RPA1: variants seen among roughly 807,000 people sequenced by gnomAD.
The protein encoded by RPA1 is replication protein A1.
RPA1 carries 49 observed loss-of-function variants against 83.0 expected under a neutral mutation model. That is an observed-to-expected ratio of 0.59 (90% confidence interval 0.47 to 0.75). The LOEUF (loss-of-function observed/expected upper bound fraction) is 0.75. Ranked by LOEUF, RPA1 falls within the 30% of genes least tolerant of loss-of-function variation. The pLI, the probability that RPA1 is intolerant of heterozygous loss-of-function variation, is 0.00. For missense variants in RPA1, 693 were observed against 776.1 expected, an observed-to-expected ratio of 0.89 and a Z score of 1.27; for synonymous variants, 279 against 281.8, an observed-to-expected ratio of 0.99 and a Z score of 0.10.
chr17:1,872,121 C>T, intron 5 of RPA1: 1 of 346,532 alleles, frequency 2.9e-6, no homozygotes. Flanking sequence ...CAGATTCAAC[C>T]CAGTGACTTT....
In RPA1 at chr17:1,897,329, C is replaced by T. The variant is rs1346253001; in HGVS notation, c.*154C>T. 4.9e-6 allele frequency: 3 copies of T among 607,398 alleles called. No individual in the cohort carries two copies. The highest frequency in any genetic ancestry group is 5.8e-5 in the East Asian group (2 of 34,236). 37.6% of individuals were successfully genotyped at this position (607,398 alleles called of 1,614,324 possible). On this transcript the variant is annotated 3_prime_UTR_variant, in exon 17 of 17. Transcript: ENST00000254719. ...CCCCCCTCGTGCGCATCTCAGAACC[C>T]ATCGGTAGGCAAAGGAAAATACGCT...
chr17:1,879,672 G>T lies in RPA1; in HGVS notation c.1065G>T (p.Val355=). Reference sequence around the variant, plus strand: ...ACTTGATGGACACATCCGGGAAGGTGGTGACTGCTACACTGTGGGGGGAAG... The same window carrying T: ...ACTTGATGGACACATCCGGGAAGGTTGTGACTGCTACACTGTGGGGGGAAG... ...NIYLMDTSGK[V]VTATLWGEDA... The change falls in exon 11 of 17, where the codon GTG becomes GTT. Residue 355 remains valine (V), a synonymous_variant. Coordinates refer to ENST00000254719, the MANE Select transcript of RPA1 (RefSeq NM_002945.5). 1 of 1,614,250 alleles carries T rather than the reference G, an allele frequency of 6.2e-7. No homozygotes were observed. Among genetic ancestry groups the T allele is most frequent in the Non-Finnish European group, 8.5e-7 (1 of 1,180,046 alleles).
chr17:1,875,733 C>A lies in RPA1; in HGVS notation c.527C>A (p.Thr176Asn), dbSNP rs1231376651. ...GKAAGPSLSHTSGGTQSKVVP... is the reference protein window; with the variant it reads ...GKAAGPSLSHNSGGTQSKVVP... Reference sequence around the variant, plus strand: ...GCTGCAGGTCCCAGCCTGTCACACACTTCTGGGGGAACACAGTCCAAAGTG... The same window carrying A: ...GCTGCAGGTCCCAGCCTGTCACACAATTCTGGGGGAACACAGTCCAAAGTG... The change falls in exon 7 of 17, where the codon ACT becomes AAT. Residue 176 changes from threonine (T) to asparagine (N), a missense_variant. Coordinates refer to ENST00000254719, the MANE Select transcript of RPA1 (RefSeq NM_002945.5). 1.2e-6 allele frequency: 2 copies of A among 1,614,080 alleles called. No homozygotes were observed. Among genetic ancestry groups the A allele is most frequent in the Non-Finnish European group, 1.7e-6 (2 of 1,180,042 alleles).
At chr17:1,830,696 T>C (rs1346546928) in intron 1 of RPA1, 1 of 152,422 alleles carries the variant, frequency 6.6e-6, no homozygotes, top group South Asian at 2.1e-4. Context: ...CCCGTCTTAT[T>C]TGTAAGTCCC....
At chr17:1,872,096 A>T (rs1913395181) in intron 5 of RPA1, 2 of 291,042 alleles carry the variant, frequency 6.9e-6, no homozygotes, top group Admixed American at 4.2e-5. Flanking sequence ...TGCTATGGAA[A>T]TAGTGGTAAT....
At chr17:1,878,012 C>G (rs1482508244) in intron 8 of RPA1, among the ~76,000 whole-genome samples, 1 of 152,200 alleles carries the variant, frequency 6.6e-6, no homozygotes, top group Non-Finnish European at 1.5e-5. Context: ...GCACAGATCA[C>G]TTGAGGTCAG....
chr17:1,896,505 G>A (rs1011026112), intron 16 of RPA1, among the ~76,000 whole-genome samples: 4 of 144,148 alleles, frequency 2.8e-5, no homozygotes, highest in Non-Finnish European at 4.6e-5. Context: ...AGATGTCACC[G>A]TGAAACAATG....
intron 1 of RPA1, among the ~76,000 whole-genome samples, chr17:1,836,299 G>T (rs1011577337): frequency 6.6e-6 from 1 of 151,818 alleles, no homozygotes; most frequent in Admixed American, 6.6e-5. Context: ...TAATAGTGAT[G>T]GGGTTTCACT....
chr17:1,874,012 A>AAAAAAAATATATATATATATAT (rs1555592994), intron 6 of RPA1, among the ~76,000 whole-genome samples: 1 of 93,840 alleles, frequency 1.1e-5, no homozygotes, highest in African/African-American at 5.1e-5. Flanking sequence ...AAAAAAAAAA[A>AAAAAAAATATATATATATATAT]ATATATATAT....
At chr17:1,836,701 A>C (rs1911836745) in intron 1 of RPA1, among the ~76,000 whole-genome samples, 1 of 149,556 alleles carries the variant, frequency 6.7e-6, no homozygotes, top group Non-Finnish European at 1.5e-5. Context: ...GGTCTCTGTC[A>C]CCCAGGCTGG....
At chr17:1,846,469 C>G (rs777787148) in intron 4 of RPA1, among the ~76,000 whole-genome samples, 25 of 151,964 alleles carry the variant, frequency 1.6e-4, no homozygotes, top group African/African-American at 6.0e-4. Context: ...AGGCGCCCAC[C>G]ACCACGCCTG....
chr17:1,852,516 G>A (rs1912533413), intron 4 of RPA1, among the ~76,000 whole-genome samples: 3 of 152,226 alleles, frequency 2.0e-5, no homozygotes, highest in Non-Finnish European at 4.4e-5. Flanking sequence ...TGGTGGAACT[G>A]AAAGAAAACA....
At chr17:1,853,996 T>C (rs1308247668) in intron 5 of RPA1, 1 of 152,222 alleles carries the variant, frequency 6.6e-6, no homozygotes, top group African/African-American at 2.4e-5. Context: ...TAAGTATTTG[T>C]TGAAACAAGT....
rs1913927050 is a variant in RPA1, at chr17:1,884,669, G to A, written c.1374+725G>A. ...CATCATTGTCAACAGCAGCTCTTAA[G>A]TGCTCTTATAGAACATCTCAAGAAT... is the stretch of plus-strand genomic sequence containing the variant. On this transcript the variant is annotated intron_variant, in intron 13 of 16. Coordinates refer to ENST00000254719, the MANE Select transcript of RPA1 (RefSeq NM_002945.5). The surrounding 1 kb of genome is among the most constrained non-coding windows in gnomAD (Gnocchi z 4.1). 6.6e-6 allele frequency among the ~76,000 whole-genome samples: 1 copy of A among 152,088 alleles called. No individual in the cohort carries two copies. The highest frequency in any genetic ancestry group is 1.5e-5 in the Non-Finnish European group (1 of 68,018).
chr17:1,833,123 C>T (rs1245259446), intron 1 of RPA1, among the ~76,000 whole-genome samples: 3 of 151,918 alleles, frequency 2.0e-5, no homozygotes, highest in African/African-American at 4.8e-5. Context: ...GACAGGGTTT[C>T]GCCATGTAGG....
chr17:1,895,122 T>C (rs889847138), intron 16 of RPA1, 27 bp downstream of exon 16: 15 of 1,587,568 alleles, frequency 9.4e-6, no homozygotes, highest in Non-Finnish European at 1.3e-5. Flanking sequence ...GCAGCAGGGT[T>C]GGTGGTGGGG....
chr17:1,873,634 G>C (rs961936323), intron 6 of RPA1, among the ~76,000 whole-genome samples: 1 of 151,990 alleles, frequency 6.6e-6, no homozygotes, highest in Non-Finnish European at 1.5e-5. Context: ...GCTCTTGCAC[G>C]TTCTCTCTCT....
rs1207301489 is a variant in RPA1, at chr17:1,896,956, G to C, written c.1747-115G>C. On this transcript the variant is annotated intron_variant, in intron 16 of 16. Transcript: ENST00000254719. ...TCACTCACTGGAATGACTGAACTCTGAACCCGTGCGTCTGTTCCCTCCCGC... is the reference window on the plus strand; with the variant it reads ...TCACTCACTGGAATGACTGAACTCTCAACCCGTGCGTCTGTTCCCTCCCGC... 25 of 820,226 alleles carry C rather than the reference G, an allele frequency of 3.0e-5. No homozygotes were observed. The Admixed American group carries it at 4.6e-4, about 15-fold the overall frequency. The allele number at this position is 820,226 out of a possible 1,614,324, so 50.8% of individuals were successfully genotyped here.
In RPA1 at chr17:1,847,274, C is replaced by A. The variant is rs960286997; in HGVS notation, c.272+2588C>A. On this transcript the variant is annotated intron_variant, in intron 4 of 16. Transcript: ENST00000254719. ...TGTTGCCAACCTTCTCACTTGGGAC[C>A]TTTTATCTTCCACTCCAGGCTATCT... 2.0e-5 allele frequency among the ~76,000 whole-genome samples: 3 copies of A among 152,198 alleles called. No homozygotes were observed. In the East Asian group the frequency reaches 5.8e-4, roughly 29 times the overall value.
Sources: allele counts gnomAD v4.1 joint callset (sites outside exome capture counted in the v4.1 genomes callset), GRCh38; gene constraint gnomAD v4.1.1; non-coding constraint Gnocchi (gnomAD v3.1); transcripts MANE v1.5; gene names NCBI Gene and HGNC (gene_info 2026-07-23, HGNC 2026-07-21).